The following BLK variants were observed in gnomAD, a reference collection of about 807,000 sequenced individuals.
The protein encoded by BLK is tyrosine-protein kinase Blk.
A neutral mutation model predicts 61.8 loss-of-function variants in BLK; 64 were observed. The ratio of observed to expected loss-of-function variants is 1.03; its 90% CI spans 0.85 to 1.27. The LOEUF is 1.27. Ranked by LOEUF, BLK falls within the 50% of genes most tolerant of loss-of-function variation. BLK has a pLI of 0.00. For missense variants in BLK, 853 were observed against 660.5 expected, an observed-to-expected ratio of 1.29 and a Z score of -3.19; for synonymous variants, 351 against 272.0, an observed-to-expected ratio of 1.29 and a Z score of -2.86.
rs553577028 is a variant in BLK at position 11,550,411 on chromosome 8, C to T, written c.472+149C>T. 231 of 778,048 alleles carry T rather than the reference C, an allele frequency of 3.0e-4. No individual in the cohort carries two copies. The African/African-American group carries it at 3.5e-3, about 12-fold the overall frequency. The allele number at this position is 778,048 out of a possible 1,614,324, so 48.2% of individuals were successfully genotyped here. On this transcript the variant is annotated intron_variant, in intron 6 of 12. Coordinates refer to ENST00000259089, the MANE Select transcript of BLK (RefSeq NM_001715.3). The stretch of plus-strand genomic sequence containing the variant: ...TGTGTCCCTCCCAATTCAGGCCCTG[C>T]CCGGGAGTTGACATGGGGGCTGTCC...
intron 1 of BLK, among the ~76,000 whole-genome samples, chr8:11,534,710 CTG>C (rs1386511772): frequency 6.6e-6 from 1 of 152,216 alleles, no homozygotes; most frequent in African/African-American, 2.4e-5. Flanking sequence ...CTCCTCCTAA[CTG>C]TGCCGAAGTA....
intron 1 of BLK, among the ~76,000 whole-genome samples, chr8:11,516,321 T>C (rs569775964): frequency 6.6e-6 from 1 of 152,326 alleles, no homozygotes; most frequent in Non-Finnish European, 1.5e-5. Context: ...TGGATGCTCT[T>C]AGACCACACC....
chr8:11,511,588 T>C (rs1174924954), intron 1 of BLK, among the ~76,000 whole-genome samples: 2 of 152,152 alleles, frequency 1.3e-5, no homozygotes, highest in Non-Finnish European at 2.9e-5. Context: ...GCAAAGAACA[T>C]GGGGTGTAAT....
Position 11,556,648 on chromosome 8 carries a change from C to G in BLK, c.773-10C>G. 1.2e-6 allele frequency: 2 copies of G among 1,614,126 alleles called. No homozygotes were observed. Among genetic ancestry groups the G allele is most frequent in the Non-Finnish European group, 1.7e-6 (2 of 1,180,020 alleles). ...TCTTCTGATTGGCTTCTTCACTCCC[C>G]CGGGCTCAGGTTACTACAAAAACAA... is the stretch of plus-strand genomic sequence containing the variant. On this transcript the variant is annotated splice_polypyrimidine_tract_variant and intron_variant, in intron 8 of 12. Transcript: ENST00000259089.
intron 10 of BLK, chr8:11,561,054 C>A (rs752194330): frequency 3.0e-6 from 2 of 664,848 alleles, no homozygotes; most frequent in South Asian, 3.0e-5. Flanking sequence ...CTGTGTGGAG[C>A]GAGAACGAGG....
chr8:11,562,136 A>G (rs1801526502), intron 11 of BLK, among the ~76,000 whole-genome samples: 1 of 152,146 alleles, frequency 6.6e-6, no homozygotes, highest in Non-Finnish European at 1.5e-5. Context: ...TATAGTCCCT[A>G]TTAACCTTCC....
chr8:11,522,040 C>G (rs1563437128), intron 1 of BLK, among the ~76,000 whole-genome samples: 1 of 152,178 alleles, frequency 6.6e-6, no homozygotes, highest in South Asian at 2.1e-4. Flanking sequence ...GATGAGTCCT[C>G]CTAATCATGG....
chr8:11,545,309 G>T (rs1024831535), intron 2 of BLK, among the ~76,000 whole-genome samples: 1 of 152,212 alleles, frequency 6.6e-6, no homozygotes, highest in Admixed American at 6.5e-5. Flanking sequence ...AGCACTTTGG[G>T]AGGCCGAGGT....
intron 1 of BLK, among the ~76,000 whole-genome samples, chr8:11,500,216 C>T (rs1387464735): frequency 6.6e-6 from 1 of 152,126 alleles, no homozygotes; most frequent in African/African-American, 2.4e-5. Flanking sequence ...TTGTTTGAGA[C>T]AAGGTCTCAC....
chr8:11,550,895 G>A (rs900063304), intron 6 of BLK, among the ~76,000 whole-genome samples: 1 of 152,190 alleles, frequency 6.6e-6, no homozygotes, highest in African/African-American at 2.4e-5. Flanking sequence ...GTATGAATGT[G>A]TAATTCTAAA....
chr8:11,559,553 A>T (rs1157656138), intron 10 of BLK, among the ~76,000 whole-genome samples: 1 of 152,070 alleles, frequency 6.6e-6, no homozygotes, highest in Admixed American at 6.6e-5. Flanking sequence ...TTACACACAC[A>T]TGAGCAGACA....
rs951545818 is a variant in BLK at position 11,543,078 on chromosome 8, C to G, written c.-1-146C>G. 28 of 1,248,038 alleles carry G rather than the reference C, an allele frequency of 2.2e-5. No individual in the cohort carries two copies. The Admixed American group carries it at 3.8e-4, about 17-fold the overall frequency. 77.3% of individuals were successfully genotyped at this position (1,248,038 alleles called of 1,614,324 possible). On this transcript the variant is annotated intron_variant, in intron 1 of 12. Coordinates refer to ENST00000259089, the MANE Select transcript of BLK (RefSeq NM_001715.3). Reference sequence around the variant, plus strand: ...TTTAGCTCACCCACCCGCTTCTACCCACGTTCTGACTTTGAGGTCTTTGCT... The same window carrying G: ...TTTAGCTCACCCACCCGCTTCTACCGACGTTCTGACTTTGAGGTCTTTGCT...
At position 11,563,935 on chromosome 8, in the gene BLK, G is replaced by T. The variant is rs774425045; in HGVS notation, c.1345G>T (p.Glu449Ter). The T allele has an allele frequency of 2.5e-6, 4 of 1,608,360 alleles. No individual in the cohort carries two copies. Among genetic ancestry groups the T allele is most frequent in the Non-Finnish European group, 3.4e-6 (4 of 1,179,452 alleles). Residue 449 changes from glutamate (E) to a stop codon, truncating the protein, a stop_gained, in exon 13 of 13, where the codon GAG becomes TAG. Transcript: ENST00000259089. LOFTEE classifies it high-confidence loss of function. ...MSNPEVIRNL[E>*]RGYRMPRPDT... ...CAACCCCGAGGTCATCCGCAACCTG[G>T]AGCGCGGCTACCGCATGCCGCGCCC...
chr8:11,502,588 C>T (rs566515808), intron 1 of BLK, among the ~76,000 whole-genome samples: 7 of 152,126 alleles, frequency 4.6e-5, no homozygotes, highest in East Asian at 3.8e-4. Flanking sequence ...ACGCCCGGCC[C>T]GTATAGTTTT....
intron 10 of BLK, among the ~76,000 whole-genome samples, chr8:11,559,563 A>T (rs1801391858): frequency 6.6e-6 from 1 of 152,126 alleles, no homozygotes; most frequent in African/African-American, 2.4e-5. Context: ...ATGAGCAGAC[A>T]CACACCCGGC....
chr8:11,517,841 T>G (rs1585343408), intron 1 of BLK, among the ~76,000 whole-genome samples: 2 of 152,198 alleles, frequency 1.3e-5, no homozygotes, highest in Non-Finnish European at 2.9e-5. Context: ...CCCGACAGCT[T>G]GAACCTGAGT....
In BLK at chr8:11,530,815, C is replaced by G. The variant is rs185087681; in HGVS notation, c.-1-12409C>G. Among the ~76,000 whole-genome samples, 228 of 152,282 alleles carry G rather than the reference C, an allele frequency of 1.5e-3. 2 individuals carry two copies. Among genetic ancestry groups the G allele is most frequent in the African/African-American group, 5.1e-3 (212 of 41,554 alleles). ...GCTGGGAGCTAATTAATATGAGTAA[C>G]AATGCTAAGAACATATATGTCAAGT... On this transcript the variant is annotated intron_variant, in intron 1 of 12. Transcript: ENST00000259089.
chr8:11,495,004 C>G (rs921986996), intron 1 of BLK, among the ~76,000 whole-genome samples: 26 of 152,296 alleles, frequency 1.7e-4, no homozygotes, highest in African/African-American at 6.3e-4. Flanking sequence ...AGGCGGGGAG[C>G]ATCTGGCTCA....
rs886062596 is a variant in BLK, at chr8:11,563,106, C to T, written c.1308C>T (p.Tyr436=). 5 of 1,613,514 alleles carry T rather than the reference C, an allele frequency of 3.1e-6. No homozygotes were observed. Among genetic ancestry groups the T allele is most frequent in the Non-Finnish European group, 4.2e-6 (5 of 1,179,984 alleles). Residue 436 remains tyrosine, a synonymous_variant, in exon 12 of 13, where the codon TAC becomes TAT. Coordinates refer to ENST00000259089, the MANE Select transcript of BLK (RefSeq NM_001715.3). ...TTGTCACTTATGGGCGGGTGCCATACCCAGGTAGGTGGCTCACCCCGCAGC... is the reference window on the plus strand; with the variant it reads ...TTGTCACTTATGGGCGGGTGCCATATCCAGGTAGGTGGCTCACCCCGCAGC... ...MEVVTYGRVP[Y]PGMSNPEVIR... is the part of the protein sequence containing the mutation.
Sources: gnomAD v4.1 joint callset for allele counts (sites outside exome capture counted in the v4.1 genomes callset) on GRCh38, gnomAD v4.1.1 for gene constraint, MANE v1.5 for transcripts, NCBI Gene and HGNC (gene_info 2026-07-23, HGNC 2026-07-21) for gene names.